The following LCOR variants were observed in gnomAD, a reference collection of about 807,000 sequenced individuals.
LCOR encodes the protein ligand-dependent corepressor.
LCOR carries 14 observed loss-of-function variants against 64.4 expected under a neutral mutation model. The observed-to-expected ratio is 0.22, with a 90% CI of 0.14 to 0.34. The LOEUF (loss-of-function observed/expected upper bound fraction) is 0.34. Ranked by LOEUF, LCOR falls within the 10% of genes least tolerant of loss-of-function variation. The pLI is 1.00. For synonymous variants in LCOR, 643 were observed against 642.5 expected (o/e 1.00, Z -0.01); for missense variants, 1,686 against 1,765.3 (o/e 0.96, Z 0.80).
intron 2 of LCOR, among the ~76,000 whole-genome samples, chr10:96,835,328 T>A (rs1421477018): frequency 1.3e-5 from 2 of 152,240 alleles, no homozygotes; most frequent in Non-Finnish European, 2.9e-5. Flanking sequence ...TAAAGCATAC[T>A]TTTAACTCCA....
chr10:96,909,731 C>G (rs1846795833), intron 4 of LCOR, among the ~76,000 whole-genome samples: 2 of 152,108 alleles, frequency 1.3e-5, no homozygotes, highest in Non-Finnish European at 2.9e-5. Flanking sequence ...AGTTGTTGCT[C>G]TATTTGGAAT....
intron 4 of LCOR, among the ~76,000 whole-genome samples, chr10:96,934,432 A>C (rs1463113271): frequency 6.6e-6 from 1 of 152,146 alleles, no homozygotes; most frequent in Non-Finnish European, 1.5e-5. Flanking sequence ...CTATAGAGTC[A>C]TAAGCTCTGT....
Position 96,981,387 on chromosome 10 carries a change from C to A in LCOR, c.927C>A (p.Asp309Glu). The A allele has an allele frequency of 1.9e-6, 3 of 1,614,078 alleles. No individual in the cohort carries two copies. The highest frequency in any genetic ancestry group is 2.5e-6 in the Non-Finnish European group (3 of 1,180,024). Residue 309 changes from aspartate to glutamate, a missense_variant, in exon 8 of 8, where the codon GAC becomes GAA. By Grantham distance (45) the Asp-to-Glu change is conservative. Around this residue, in one of 3 missense-constraint regions of LCOR, gnomAD observed 313 missense variants for 247.2 expected, o/e 1.27. Coordinates refer to ENST00000421806, the MANE Select transcript of LCOR (RefSeq NM_001346516.2). ...TGAACATATGTGAGGATGGTAAAGA[C>A]CATATGCAGAGTTCAGCTTTAGTAG... The part of the protein sequence containing the change: ...TNVNICEDGK[D>E]HMQSSALVES...
intron 4 of LCOR, among the ~76,000 whole-genome samples, chr10:96,942,486 A>G (rs982567594): frequency 7.3e-6 from 1 of 137,260 alleles, no homozygotes; most frequent in African/African-American, 2.9e-5. Flanking sequence ...AGCGGTCATG[A>G]TTTATAAGAC....
chr10:96,920,434 G>GTA (rs765295602), intron 4 of LCOR, among the ~76,000 whole-genome samples: 1 of 124,012 alleles, frequency 8.1e-6, no homozygotes, highest in African/African-American at 3.5e-5. Flanking sequence ...ATATATATGT[G>GTA]TATATATGTG....
rs1415672752 is a variant in LCOR, at chr10:96,991,054, A to G, written c.*5920A>G. 1.3e-5 allele frequency: 2 copies of G among 148,904 alleles called. No homozygotes were observed. The highest frequency in any genetic ancestry group is 6.7e-5 in the Admixed American group (1 of 14,970). 9.2% of individuals were successfully genotyped at this position (148,904 alleles called of 1,614,324 possible). A position where few individuals can be genotyped will look rare whatever the true frequency, so the allele number is the denominator to read the frequency against. Reference sequence around the variant, plus strand: ...AAAAAAAAAAAAAAAAAGCAACTATATGTGGCCCGCATAGCCTGAAATATT... The same window carrying G: ...AAAAAAAAAAAAAAAAAGCAACTATGTGTGGCCCGCATAGCCTGAAATATT... On this transcript the variant is annotated 3_prime_UTR_variant, in exon 8 of 8. Transcript: ENST00000421806.
chr10:96,834,619 G>A (rs1845409622), intron 2 of LCOR, among the ~76,000 whole-genome samples: 1 of 152,110 alleles, frequency 6.6e-6, no homozygotes, highest in South Asian at 2.1e-4. Context: ...TTGTTTTGAA[G>A]AATTTTTAGT....
chr10:96,911,522 C>G (rs992462278), intron 4 of LCOR, among the ~76,000 whole-genome samples: 1 of 152,130 alleles, frequency 6.6e-6, no homozygotes, highest in East Asian at 1.9e-4. Context: ...GGGATTTGAT[C>G]CATGTTTTTA....
chr10:96,897,866 C>CTT (rs59098946), intron 2 of LCOR, among the ~76,000 whole-genome samples: 20 of 116,252 alleles, frequency 1.7e-4, no homozygotes, highest in South Asian at 2.9e-4. Context: ...AGAAAGCCAT[C>CTT]TTTTTTTTTT....
intron 7 of LCOR, among the ~76,000 whole-genome samples, chr10:96,965,759 G>C (rs1445476706): frequency 2.0e-5 from 3 of 149,638 alleles, no homozygotes; most frequent in Non-Finnish European, 4.4e-5. Context: ...CTACAGACTT[G>C]TTCTGTTGGC....
intron 5 of LCOR, among the ~76,000 whole-genome samples, chr10:96,947,508 C>T (rs1468840387): frequency 3.3e-5 from 5 of 152,108 alleles, no homozygotes; most frequent in African/African-American, 9.7e-5. Context: ...AAGTTCCTTA[C>T]AGCCCCAAAA....
Position 96,949,282 on chromosome 10 carries a change from A to G in LCOR, c.225A>G (p.Glu75=), listed in dbSNP as rs745526548. Residue 75 remains glutamate, a synonymous_variant, in exon 6 of 8, where the codon GAA becomes GAG. Transcript: ENST00000421806. ...TTACTGTCAGAAAGTCTCAGTCAGA[A>G]CCTAGCGAACAAGGTATGGTTTGAT... is the stretch of plus-strand genomic sequence containing the variant. The part of the protein sequence containing the change: ...LDLTVRKSQS[E]PSEQDGVLDL... 6.2e-7 allele frequency: 1 copy of G among 1,613,986 alleles called. No individual in the cohort carries two copies.
At chr10:96,915,893 C>A in intron 4 of LCOR, 2 of 445,752 alleles carry the variant, frequency 4.5e-6, no homozygotes, top group Non-Finnish European at 8.5e-6. Context: ...TTCAGCCTTT[C>A]TCTAGGCATA....
chr10:96,961,329 T>A (rs1240882124), intron 7 of LCOR: 1 of 152,150 alleles, frequency 6.6e-6, no homozygotes, highest in Non-Finnish European at 1.5e-5. Flanking sequence ...CACTTTTAGT[T>A]AATCATAGAT....
intron 4 of LCOR, among the ~76,000 whole-genome samples, chr10:96,920,689 T>C (rs957836013): frequency 6.8e-6 from 1 of 147,650 alleles, no homozygotes; most frequent in Non-Finnish European, 1.5e-5. Flanking sequence ...CATATATGTG[T>C]ATATATGTTC....
chr10:96,948,933 A>G (rs1419563018), intron 5 of LCOR, 75 bp from the exon 6 acceptor site: 1 of 1,126,432 alleles, frequency 8.9e-7, no homozygotes, highest in Non-Finnish European at 1.2e-6. Flanking sequence ...ATAAAATGAA[A>G]TTTTATGTTT....
At chr10:96,947,087 T>C (rs1847601812) in intron 5 of LCOR, among the ~76,000 whole-genome samples, 1 of 152,046 alleles carries the variant, frequency 6.6e-6, no homozygotes, top group Non-Finnish European at 1.5e-5. Context: ...GATGGAGATA[T>C]TTAAAAAGCA....
intron 2 of LCOR, among the ~76,000 whole-genome samples, chr10:96,902,201 C>T (rs1192369782): frequency 6.6e-6 from 1 of 151,616 alleles, no homozygotes; most frequent in Non-Finnish European, 1.5e-5. Context: ...TCAAGTGCTG[C>T]TGTTTTGTCT....
At chr10:96,915,493 C>T in intron 4 of LCOR, 3 of 415,782 alleles carry the variant, frequency 7.2e-6, no homozygotes, top group South Asian at 4.4e-5. Context: ...TGCACTCCAG[C>T]CTGGGGAGAG....
Sources: gnomAD v4.1 joint callset for allele counts (sites outside exome capture counted in the v4.1 genomes callset) on GRCh38, gnomAD v4.1.1 for gene constraint, gnomAD v4.1.1 regional missense constraint, MANE v1.5 for transcripts, NCBI Gene and HGNC (gene_info 2026-07-23, HGNC 2026-07-21) for gene names.